The following DDX60L variants were observed in gnomAD, a reference collection of about 807,000 sequenced individuals.
DDX60L encodes probable ATP-dependent RNA helicase DDX60-like.
A neutral mutation model predicts 211.6 loss-of-function variants in DDX60L; 191 were observed. That is an observed-to-expected ratio of 0.90 (90% CI 0.80 to 1.02). DDX60L has a LOEUF of 1.02. Ranked by LOEUF, DDX60L falls within the 50% of genes least tolerant of loss-of-function variation. The pLI, the probability that DDX60L is intolerant of heterozygous loss-of-function variation, is 0.00. For missense variants in DDX60L, 2,007 were observed against 1,984.1 expected (o/e 1.01, Z -0.22); for synonymous variants, 706 against 694.1 (o/e 1.02, Z -0.27).
chr4:168,398,715 T>C (rs72695148), intron 26 of DDX60L, among the ~76,000 whole-genome samples: 14,905 of 152,176 alleles, frequency 0.098, 1,085 homozygotes, highest in South Asian at 0.14. Context: ...CAGCCAGACT[T>C]GAGGACTCAA....
At chr4:168,403,463 C>T (rs1208895737) in intron 25 of DDX60L, among the ~76,000 whole-genome samples, 1 of 152,198 alleles carries the variant, frequency 6.6e-6, no homozygotes, top group Non-Finnish European at 1.5e-5. Flanking sequence ...GTCCAGGGTA[C>T]ACAGTGTTAC....
rs377719574 is a variant in DDX60L at position 168,371,709 on chromosome 4, A to C, written c.4831T>G (p.Trp1611Gly). 29 of 1,612,484 alleles carry C rather than the reference A, an allele frequency of 1.8e-5. No individual in the cohort carries two copies. The highest frequency in any genetic ancestry group is 2.4e-5 in the Non-Finnish European group (28 of 1,179,124). The change falls in exon 36 of 38, where the codon TGG (tryptophan) becomes GGG (glycine). Residue 1611 changes from tryptophan (W) to glycine (G), a missense_variant. By Grantham distance (184) the Trp-to-Gly change is radical. Transcript: ENST00000682922. ...CTCCTTCCTCGGTTATCTAATTTCC[A>C]TGGCCACAGCAGAGGAGCCTGAGTG... is the stretch of plus-strand genomic sequence containing the variant. ...SGTQAPLLWPWKLDNRGRRMP... is the reference protein window; with the variant it reads ...SGTQAPLLWPGKLDNRGRRMP...
chr4:168,449,653 A>AAAAAAAAAAAAAAAAAAAAAAAAAAT (rs1448068520), intron 8 of DDX60L, among the ~76,000 whole-genome samples: 11 of 20,174 alleles, frequency 5.5e-4, no homozygotes, highest in African/African-American at 8.1e-4. Flanking sequence ...AAAAAAATGC[A>AAAAAAAAAAAAAAAAAAAAAAAAAAT]AAAAAAAAAA....
chr4:168,371,861 C>A, intron 35 of DDX60L, 98 bp from the exon 36 acceptor site: 7 of 1,182,046 alleles, frequency 5.9e-6, no homozygotes, highest in South Asian at 2.0e-5. Flanking sequence ...TCTTAAAGTA[C>A]GTTCTGAAGA....
At chr4:168,423,174 A>C (rs1190540643) in intron 15 of DDX60L, among the ~76,000 whole-genome samples, 1 of 152,102 alleles carries the variant, frequency 6.6e-6, no homozygotes, top group East Asian at 1.9e-4. Flanking sequence ...TCCTGCCTAA[A>C]ATGTTATTCT....
chr4:168,460,713 A>G (rs538651518), intron 5 of DDX60L, among the ~76,000 whole-genome samples: 17 of 152,042 alleles, frequency 1.1e-4, no homozygotes, highest in Non-Finnish European at 2.2e-4. Context: ...CCATTCTGAC[A>G]CTAACTACCC....
intron 15 of DDX60L, among the ~76,000 whole-genome samples, chr4:168,422,975 G>C (rs1315470210): frequency 2.0e-5 from 3 of 147,772 alleles, no homozygotes; most frequent in Non-Finnish European, 4.4e-5. Flanking sequence ...AATATTGTGT[G>C]TGTGTGTGTG....
At chr4:168,404,508 C>T (rs1747401916) in intron 24 of DDX60L, among the ~76,000 whole-genome samples, 1 of 151,844 alleles carries the variant, frequency 6.6e-6, no homozygotes, top group Non-Finnish European at 1.5e-5. Context: ...AATTTAATTT[C>T]TTAAAATTAA....
chr4:168,360,175 T>A (rs910507023), intron 37 of DDX60L, among the ~76,000 whole-genome samples: 4 of 152,182 alleles, frequency 2.6e-5, no homozygotes, highest in African/African-American at 9.7e-5. Flanking sequence ...CAAGAAAGTT[T>A]CTCCCATGAC....
At chr4:168,456,013 C>T (rs768086700) in intron 7 of DDX60L, 26 bp downstream of exon 7, 4 of 1,494,144 alleles carry the variant, frequency 2.7e-6, no homozygotes, top group Non-Finnish European at 3.6e-6. Flanking sequence ...AGCTTTCTGC[C>T]TGGCGGCTGT....
chr4:168,443,671 C>T (rs1375575595), intron 9 of DDX60L, among the ~76,000 whole-genome samples: 2 of 150,568 alleles, frequency 1.3e-5, no homozygotes, highest in East Asian at 2.0e-4. Context: ...AGACTAACAG[C>T]GGATCTCTCG....
At chr4:168,445,735 C>A (rs1754681515) in intron 9 of DDX60L, among the ~76,000 whole-genome samples, 1 of 149,958 alleles carries the variant, frequency 6.7e-6, no homozygotes, top group Admixed American at 6.7e-5. Flanking sequence ...ATACACAAAT[C>A]AATAAATGTA....
chr4:168,380,937 G>C (rs574527042), intron 30 of DDX60L: 1 of 152,312 alleles, frequency 6.6e-6, no homozygotes, highest in Admixed American at 6.5e-5. Context: ...TAGCAAAGAG[G>C]TTAGCTGCAT....
chr4:168,393,532 TG>T (rs1745225907), intron 28 of DDX60L, among the ~76,000 whole-genome samples: 1 of 151,998 alleles, frequency 6.6e-6, no homozygotes, highest in Non-Finnish European at 1.5e-5. Flanking sequence ...CCCTGAATAG[TG>T]TAACGGCTAC....
intron 9 of DDX60L, among the ~76,000 whole-genome samples, chr4:168,448,257 T>C (rs1168233615): frequency 6.6e-6 from 1 of 152,156 alleles, no homozygotes; most frequent in Non-Finnish European, 1.5e-5. Context: ...TCTATAAAAA[T>C]ATTCAAAGGA....
chr4:168,398,824 C>T (rs890690682), intron 26 of DDX60L, among the ~76,000 whole-genome samples: 1 of 151,950 alleles, frequency 6.6e-6, no homozygotes, highest in Non-Finnish European at 1.5e-5. Context: ...GGGGAGCTAC[C>T]CACTCCAGGG....
At chr4:168,443,437 A>C (rs1418677661) in intron 9 of DDX60L, among the ~76,000 whole-genome samples, 1 of 151,960 alleles carries the variant, frequency 6.6e-6, no homozygotes, top group Non-Finnish European at 1.5e-5. Flanking sequence ...AATGGAACCA[A>C]GTTGGAAAAC....
intron 9 of DDX60L, among the ~76,000 whole-genome samples, chr4:168,445,665 C>A (rs1180322480): frequency 1.3e-4 from 19 of 151,876 alleles, no homozygotes; most frequent in South Asian, 2.1e-4. Flanking sequence ...GCAGCACATC[C>A]AAAAGCTTAT....
intron 3 of DDX60L, 139 bp downstream of exon 3, chr4:168,472,316 G>T (rs575628148): frequency 1.1e-4 from 73 of 651,618 alleles, no homozygotes; most frequent in Non-Finnish European, 1.8e-4. Context: ...ATAGGAAGAA[G>T]AGTGCGTTCC....
Sources: gnomAD v4.1 joint callset for allele counts (sites outside exome capture counted in the v4.1 genomes callset) on GRCh38, gnomAD v4.1.1 for gene constraint, MANE v1.5 for transcripts, NCBI Gene and HGNC (gene_info 2026-07-23, HGNC 2026-07-21) for gene names.